Variants in PDE10A observed in about 807,000 individuals in gnomAD.
PDE10A encodes the protein cAMP and cAMP-inhibited cGMP 3',5'-cyclic phosphodiesterase 10A.
PDE10A carries 39 observed loss-of-function variants against 97.7 expected under a neutral mutation model. That is an observed-to-expected ratio of 0.40 (90% CI 0.31 to 0.52). PDE10A has a LOEUF of 0.52. PDE10A is among the 20% of genes least tolerant of loss of function. The probability of loss-of-function intolerance (pLI) is 0.56; values close to 1 mark genes in which losing one functional copy is unlikely to be tolerated. For synonymous variants in PDE10A, 371 were observed against 376.8 expected, an observed-to-expected ratio of 0.98 and a Z score of 0.18; for missense variants, 731 against 1,047.8, an observed-to-expected ratio of 0.70 and a Z score of 4.17.
At chr6:165,861,597 GGTGTGATCC>G in intron 1 of PDE10A, among the ~76,000 whole-genome samples, 1 of 151,966 alleles carries the variant, frequency 6.6e-6, no homozygotes, top group Non-Finnish European at 1.5e-5. Context: ...AGCAGAGAAT[GGTGTGATCC>G]AACAGCAGTC....
At position 165,418,252 on chromosome 6, in the gene PDE10A, C is replaced by T. The variant is rs1183905657; in HGVS notation, c.1796+383G>A. ...ACTACTGTCTGGACTGCGAGACAGG[C>T]CACCGGTTGGGAAGAAGTAGGGGCC... is the stretch of plus-strand genomic sequence containing the variant. On this transcript the variant is annotated intron_variant, in intron 11 of 21. Transcript: ENST00000539869. The surrounding 1 kb of genome is among the most constrained non-coding windows in gnomAD (Gnocchi z 4.8). 6.6e-6 allele frequency among the ~76,000 whole-genome samples: 1 copy of T among 152,166 alleles called. No individual in the cohort carries two copies. Among genetic ancestry groups the T allele is most frequent in the Non-Finnish European group, 1.5e-5 (1 of 68,034 alleles).
At chr6:165,534,311 C>CAAAA (rs71029552) in intron 2 of PDE10A, among the ~76,000 whole-genome samples, 1 of 130,776 alleles carries the variant, frequency 7.6e-6, no homozygotes, top group Non-Finnish European at 1.6e-5. Flanking sequence ...AGTCTTCCAT[C>CAAAA]AAAAAAAAAA....
chr6:165,700,484 A>C (rs1303379730), intron 1 of PDE10A, among the ~76,000 whole-genome samples: 1 of 152,222 alleles, frequency 6.6e-6, no homozygotes, highest in Non-Finnish European at 1.5e-5. Flanking sequence ...TATCTCAATA[A>C]ATCTTTTTTT....
chr6:165,681,142 G>A (rs1257945313), intron 1 of PDE10A, among the ~76,000 whole-genome samples: 2 of 152,192 alleles, frequency 1.3e-5, no homozygotes, highest in East Asian at 3.9e-4. Flanking sequence ...GGCAACGCCT[G>A]TGTTTACAGA....
chr6:165,940,498 G>T (rs1043248653), intron 1 of PDE10A: 2 of 152,292 alleles, frequency 1.3e-5, no homozygotes, highest in African/African-American at 4.8e-5. Context: ...ATGCTCTGGC[G>T]CAGTTTTTCA....
At chr6:165,521,098 T>C (rs370063375) in intron 2 of PDE10A, among the ~76,000 whole-genome samples, 1 of 152,210 alleles carries the variant, frequency 6.6e-6, no homozygotes, top group South Asian at 2.1e-4. Flanking sequence ...ATATTCAAAA[T>C]ACTTTTTCAT....
At chr6:165,862,148 C>T (rs912567375) in intron 1 of PDE10A, among the ~76,000 whole-genome samples, 1 of 152,204 alleles carries the variant, frequency 6.6e-6, no homozygotes, top group Non-Finnish European at 1.5e-5. Context: ...AGAGAATAAC[C>T]AAGTAATATC....
chr6:165,457,363 C>T (rs894272976), intron 3 of PDE10A, among the ~76,000 whole-genome samples: 8 of 152,128 alleles, frequency 5.3e-5, no homozygotes, highest in African/African-American at 1.9e-4. Flanking sequence ...GGGAGCTACA[C>T]ATTTTTCCCA....
chr6:165,928,888 A>G (rs1461909949), intron 1 of PDE10A, among the ~76,000 whole-genome samples: 1 of 152,154 alleles, frequency 6.6e-6, no homozygotes, highest in Non-Finnish European at 1.5e-5. Flanking sequence ...ATGAGATAGG[A>G]TTCTTTGGTT....
intron 3 of PDE10A, among the ~76,000 whole-genome samples, chr6:165,480,952 T>C (rs928324069): frequency 7.9e-5 from 12 of 152,226 alleles, no homozygotes; most frequent in African/African-American, 2.9e-4. Flanking sequence ...TTCTCAGAGA[T>C]GCGCTTTTCT....
At chr6:165,792,105 C>A (rs1277429168) in intron 1 of PDE10A, among the ~76,000 whole-genome samples, 1 of 152,168 alleles carries the variant, frequency 6.6e-6, no homozygotes, top group Non-Finnish European at 1.5e-5. Flanking sequence ...TGGAAGGAGG[C>A]ACCCTCAGTC....
chr6:165,405,678 G>A (rs1363069994), intron 13 of PDE10A, among the ~76,000 whole-genome samples: 1 of 152,174 alleles, frequency 6.6e-6, no homozygotes, highest in Non-Finnish European at 1.5e-5. Flanking sequence ...CAGAATGTTG[G>A]AAAGTAATAG....
At chr6:165,410,130 A>AT (rs1212215947) in intron 13 of PDE10A, among the ~76,000 whole-genome samples, 1 of 149,608 alleles carries the variant, frequency 6.7e-6, no homozygotes, top group Non-Finnish European at 1.5e-5. Flanking sequence ...CCCACATCCC[A>AT]TTTTGAAACA....
intron 1 of PDE10A, among the ~76,000 whole-genome samples, chr6:165,979,044 G>A (rs1784929490): frequency 6.6e-6 from 1 of 152,166 alleles, no homozygotes; most frequent in Admixed American, 6.5e-5. Flanking sequence ...ATTTCATTCA[G>A]ATGTCAACTC....
At chr6:165,675,945 T>G (rs2128437993) in intron 1 of PDE10A, among the ~76,000 whole-genome samples, 1 of 152,344 alleles carries the variant, frequency 6.6e-6, no homozygotes, top group South Asian at 2.1e-4. Context: ...TGTATGTTTA[T>G]TGCAGGACTA....
intron 1 of PDE10A, among the ~76,000 whole-genome samples, chr6:165,646,756 C>G (rs1272589567): frequency 1.3e-5 from 2 of 152,022 alleles, no homozygotes; most frequent in Non-Finnish European, 2.9e-5. Flanking sequence ...CTGGCCACAG[C>G]TGCACAATGG....
chr6:165,499,703 T>A (rs892530463), intron 2 of PDE10A, among the ~76,000 whole-genome samples: 1 of 152,170 alleles, frequency 6.6e-6, no homozygotes, highest in African/African-American at 2.4e-5. Flanking sequence ...GAAAACTATA[T>A]ATAGTATTAA....
intron 1 of PDE10A, among the ~76,000 whole-genome samples, chr6:165,645,235 C>G (rs940203323): frequency 2.6e-5 from 4 of 152,180 alleles, no homozygotes; most frequent in Non-Finnish European, 5.9e-5. Context: ...GTGCGGCTGC[C>G]TTCTGTCCTC....
intron 1 of PDE10A, among the ~76,000 whole-genome samples, chr6:165,972,198 G>C (rs1049940021): frequency 3.3e-5 from 5 of 152,146 alleles, no homozygotes; most frequent in Non-Finnish European, 1.5e-5. Context: ...AGAAAGGAGA[G>C]TGCACCTTTC....
Sources: gnomAD v4.1 joint callset for allele counts (sites outside exome capture counted in the v4.1 genomes callset) on GRCh38, gnomAD v4.1.1 for gene constraint, Gnocchi (gnomAD v3.1) non-coding constraint, MANE v1.5 for transcripts, NCBI Gene and HGNC (gene_info 2026-07-23, HGNC 2026-07-21) for gene names.